Variants in MEIOC observed in about 807,000 individuals in gnomAD.
MEIOC encodes the protein meiosis-specific coiled-coil domain-containing protein MEIOC.
MEIOC carries 9 observed loss-of-function variants against 85.3 expected under a neutral mutation model. The ratio of observed to expected loss-of-function variants is 0.11; its 90% CI spans 0.06 to 0.18. MEIOC has a LOEUF of 0.18. Ranked by LOEUF, MEIOC falls within the 10% of genes least tolerant of loss-of-function variation. The pLI is 1.00. For missense variants in MEIOC, 898 were observed against 1,129.4 expected, an observed-to-expected ratio of 0.80 and a Z score of 2.94; for synonymous variants, 365 against 393.7, an observed-to-expected ratio of 0.93 and a Z score of 0.86.
At chr17:44,677,032 G>C (rs536046094), downstream of MEIOC, 1 of 824,656 alleles carries the variant, frequency 1.2e-6, no homozygotes, top group East Asian at 1.2e-4. Flanking sequence ...ATTGAAACAA[G>C]TACCCTTCAG....
Position 44,657,138 on chromosome 17 carries a change from G to A in MEIOC, c.81G>A (p.Ala27=). The A allele has an allele frequency of 6.5e-7, 1 of 1,550,354 alleles. No homozygotes were observed. The highest frequency in any genetic ancestry group is 8.7e-7 in the Non-Finnish European group (1 of 1,146,774). Residue 27 remains alanine (A), a synonymous_variant, in exon 2 of 8, where the codon GCG becomes GCA. Coordinates refer to ENST00000409122, the MANE Select transcript of MEIOC (RefSeq NM_001145080.3). ...LREEGLEPKV[A]FPGGANRCWN... is the part of the protein sequence containing the mutation. ...CCCGTGTGCTGCAGCCCAAAGTCGC[G>A]TTCCCCGGAGGTGCGAATCGCTGTT...
chr17:44,665,218 A>G, intron 3 of MEIOC, 166 bp from the exon 4 acceptor site: 1 of 985,742 alleles, frequency 1.0e-6, no homozygotes, highest in Non-Finnish European at 1.3e-6. Flanking sequence ...CCACATAAAA[A>G]TATTTATGTA....
intron 2 of MEIOC, among the ~76,000 whole-genome samples, chr17:44,659,053 T>G (rs537113814): frequency 1.3e-5 from 2 of 152,296 alleles, no homozygotes; most frequent in Admixed American, 6.5e-5. Context: ...TGCTACCACT[T>G]ACCTCACCAA....
At chr17:44,665,317 AAGGT>A in intron 3 of MEIOC, 63 bp from the exon 4 acceptor site, 2 of 1,014,098 alleles carry the variant, frequency 2.0e-6, no homozygotes, top group Non-Finnish European at 2.7e-6. Context: ...TAAAGATGGT[AAGGT>A]AGGATAAGTC....
chr17:44,671,723 G>A (rs1315939226), intron 6 of MEIOC, among the ~76,000 whole-genome samples: 1 of 151,814 alleles, frequency 6.6e-6, no homozygotes, highest in African/African-American at 2.4e-5. Context: ...TGGCTAACAC[G>A]GTGAAACCCG....
chr17:44,669,623 G>A (rs1382118852), intron 6 of MEIOC, 106 bp downstream of exon 6: 2 of 1,123,900 alleles, frequency 1.8e-6, no homozygotes, highest in Middle Eastern at 2.1e-4. Context: ...ACTTTGGGAG[G>A]CCGAGGCGGG....
intron 5 of MEIOC, among the ~76,000 whole-genome samples, chr17:44,668,570 C>T (rs7222790): frequency 0.012 from 1,880 of 152,236 alleles, 40 homozygotes; most frequent in African/African-American, 0.041. Context: ...GGCCTCAAGC[C>T]ATCCTCCCAC....
intron 3 of MEIOC, 67 bp downstream of exon 3, chr17:44,662,538 A>G (rs952770281): frequency 5.7e-5 from 64 of 1,125,998 alleles, no homozygotes; most frequent in Non-Finnish European, 7.7e-5. Context: ...AACTGAGGTT[A>G]TTTGCTCTCT....
intron 7 of MEIOC, chr17:44,673,756 T>C (rs953334858): frequency 1.3e-5 from 9 of 705,394 alleles, no homozygotes; most frequent in African/African-American, 7.2e-5. Flanking sequence ...GTCTGTGTTC[T>C]ACTCAAACTA....
chr17:44,667,699 G>A lies in MEIOC; in HGVS notation c.1788G>A (p.Lys596=), dbSNP rs1971929986. The part of the protein sequence containing the change: ...NGFCDNYSAQ[K]YGIIENVNKH... ...TTTGTGATAACTATTCAGCTCAGAA[G>A]TATGGGATAATTGAAAATGTAAACA... Residue 596 remains lysine (K), a synonymous_variant, in exon 5 of 8, where the codon AAG becomes AAA. Coordinates refer to ENST00000409122, the MANE Select transcript of MEIOC (RefSeq NM_001145080.3). 3 of 1,613,478 alleles carry A rather than the reference G, an allele frequency of 1.9e-6. No homozygotes were observed. The highest frequency in any genetic ancestry group is 2.5e-6 in the Non-Finnish European group (3 of 1,179,668).
chr17:44,669,296 C>G (rs1971962793), intron 5 of MEIOC, 87 bp from the exon 6 acceptor site: 2 of 1,065,726 alleles, frequency 1.9e-6, no homozygotes, highest in East Asian at 2.6e-5. Context: ...TGGTAATACT[C>G]TATTTATTAG....
intron 2 of MEIOC, among the ~76,000 whole-genome samples, chr17:44,660,923 T>C (rs1264141169): frequency 6.6e-6 from 1 of 151,172 alleles, no homozygotes; most frequent in Non-Finnish European, 1.5e-5. Context: ...TGAGACCCCA[T>C]TTCTATTTAA....
chr17:44,666,617 T>A lies in MEIOC; in HGVS notation c.706T>A (p.Trp236Arg). 6.2e-7 allele frequency: 1 copy of A among 1,611,256 alleles called. No individual in the cohort carries two copies. The highest frequency in any genetic ancestry group is 1.1e-5 in the South Asian group (1 of 90,560). Residue 236 changes from tryptophan to arginine, a missense_variant, in exon 5 of 8, where the codon TGG becomes AGG. This residue lies in a region of MEIOC where 734 missense variants were observed against 860.1 expected (regional missense o/e 0.85). Transcript: ENST00000409122. ...GFTGLDLEEQ[W>R]MYPSRSDHSN... ...TACTGGTTTAGATCTTGAAGAACAA[T>A]GGATGTACCCCTCACGAAGTGATCA... is the stretch of plus-strand genomic sequence containing the variant.
intron 6 of MEIOC, among the ~76,000 whole-genome samples, chr17:44,672,283 C>A (rs1972024374): frequency 6.6e-6 from 1 of 152,070 alleles, no homozygotes; most frequent in South Asian, 2.1e-4. Context: ...GTGCCCAGCC[C>A]CAATTTGCAC....
chr17:44,667,403 ATGAAAT>A lies in MEIOC; in HGVS notation c.1494_1499del (p.Met498_Leu500delinsIle), dbSNP rs749749473. ...TCCTTATCGAAATCAAGGTAACTTG[ATGAAAT>A]TAAATAGTCATTTAAGTGCAGCTTC... On this transcript the variant is annotated inframe_deletion, in exon 5 of 8. Transcript: ENST00000409122. 1.2e-6 allele frequency: 2 copies of A among 1,613,844 alleles called. No individual in the cohort carries two copies.
At position 44,667,462 on chromosome 17, in the gene MEIOC, C is replaced by A. The variant is rs372682730; in HGVS notation, c.1551C>A (p.Phe517Leu). ...ASKGSNHSSD[F>L]PQLSSTNLTP... The stretch of plus-strand genomic sequence containing the variant: ...AAGGTTCTAACCATTCTTCAGATTT[C>A]CCCCAACTATCATCCACAAACTTAA... Residue 517 changes from phenylalanine (F) to leucine (L), a missense_variant, in exon 5 of 8, where the codon TTC becomes TTA. Physicochemically the swap from Phe to Leu is conservative, Grantham distance 22 (BLOSUM62 0). Coordinates refer to ENST00000409122, the MANE Select transcript of MEIOC (RefSeq NM_001145080.3). 1 of 1,613,506 alleles carries A rather than the reference C, an allele frequency of 6.2e-7. No individual in the cohort carries two copies. The highest frequency in any genetic ancestry group is 8.5e-7 in the Non-Finnish European group (1 of 1,179,752).
At position 44,666,525 on chromosome 17, in the gene MEIOC, A is replaced by C. The variant is rs751395915; in HGVS notation, c.614A>C (p.Glu205Ala). ...FYSDESVSAM[E>A]KQYLRNSNLT... ...AGTGATGAATCTGTGTCAGCAATGG[A>C]AAAGCAATACCTGCGTAACAGTAAT... Residue 205 changes from glutamate (E) to alanine (A), a missense_variant, in exon 5 of 8, where the codon GAA becomes GCA. Glu to Ala is a moderately radical substitution (Grantham distance 107). Transcript: ENST00000409122. 2 of 1,608,662 alleles carry C rather than the reference A, an allele frequency of 1.2e-6. No homozygotes were observed. Among genetic ancestry groups the C allele is most frequent in the African/African-American group, 2.7e-5 (2 of 75,002 alleles).
At position 44,667,048 on chromosome 17, in the gene MEIOC, G is replaced by T; in HGVS notation, c.1137G>T (p.Gln379His). ...TATTTCAGGTTAAGCCAGCGAATCAGAAAAAAATGGAGGAGACAATCCCTG... is the reference window on the plus strand; with the variant it reads ...TATTTCAGGTTAAGCCAGCGAATCATAAAAAAATGGAGGAGACAATCCCTG... ...TKLFQVKPAN[Q>H]KKMEETIPDQ... is the part of the protein sequence containing the mutation. The change falls in exon 5 of 8, where the codon CAG becomes CAT. Residue 379 changes from glutamine to histidine, a missense_variant. Transcript: ENST00000409122. The T allele has an allele frequency of 6.2e-7, 1 of 1,612,736 alleles. No individual in the cohort carries two copies. Among genetic ancestry groups the T allele is most frequent in the Non-Finnish European group, 8.5e-7 (1 of 1,179,570 alleles).
intron 2 of MEIOC, among the ~76,000 whole-genome samples, chr17:44,661,288 C>CAAAAAA (rs1186351387): frequency 3.7e-5 from 2 of 54,218 alleles, no homozygotes; most frequent in African/African-American, 7.9e-5. Context: ...ACTCTTGTCT[C>CAAAAAA]AAAAAAAAAA....
Sources: allele counts gnomAD v4.1 joint callset (sites outside exome capture counted in the v4.1 genomes callset), GRCh38; gene constraint gnomAD v4.1.1; regional missense constraint gnomAD v4.1.1; transcripts MANE v1.5; gene names NCBI Gene and HGNC (gene_info 2026-07-23, HGNC 2026-07-21).